The following ABCC1 variants were observed in gnomAD, a reference collection of about 807,000 sequenced individuals.
The protein encoded by ABCC1 is ATP binding cassette subfamily C member 1 (ABCC1 blood group).
ABCC1 carries 83 observed loss-of-function variants against 172.9 expected under a neutral mutation model. The observed-to-expected ratio is 0.48, with a 90% CI of 0.40 to 0.58. The LOEUF (loss-of-function observed/expected upper bound fraction) is 0.58, where lower values mean the gene tolerates loss of function less well. ABCC1 is among the 20% of genes least tolerant of loss of function. The probability of loss-of-function intolerance (pLI) is 0.00; values close to 1 mark genes in which losing one functional copy is unlikely to be tolerated. For missense variants in ABCC1, 1,817 were observed against 2,002.7 expected, an observed-to-expected ratio of 0.91 and a Z score of 1.77; for synonymous variants, 937 against 825.2, an observed-to-expected ratio of 1.14 and a Z score of -2.32.
At chr16:16,016,395 C>G (rs1415144611) in intron 4 of ABCC1, 101 bp from the exon 5 acceptor site, 3 of 1,437,384 alleles carry the variant, frequency 2.1e-6, no homozygotes, top group Non-Finnish European at 2.9e-6. Flanking sequence ...CTCAGGTGTT[C>G]TGCCTGTCTC....
At chr16:16,078,634 A>C (rs966593196) in intron 15 of ABCC1, among the ~76,000 whole-genome samples, 2 of 151,786 alleles carry the variant, frequency 1.3e-5, no homozygotes, top group East Asian at 3.9e-4. Flanking sequence ...GGCTCTCCAC[A>C]TGTTTCTGTG....
At position 16,007,835 on chromosome 16, in the gene ABCC1, A is replaced by T. The variant is rs760030871; in HGVS notation, c.68A>T (p.Asn23Ile). The T allele has an allele frequency of 3.7e-6, 6 of 1,612,758 alleles. No individual in the cohort carries two copies. Among genetic ancestry groups the T allele is most frequent in the Non-Finnish European group, 5.1e-6 (6 of 1,179,528 alleles). Residue 23 changes from asparagine (N) to isoleucine (I), a missense_variant, in exon 2 of 31, where the codon AAT (asparagine) becomes ATT (isoleucine). Asn to Ile is a moderately radical substitution (Grantham distance 149). Transcript: ENST00000399410. ...DPLWDWNVTW[N>I]TSNPDFTKCF... ...TCGCAGGACTGGAATGTCACGTGGA[A>T]TACCAGCAACCCCGACTTCACCAAG...
At chr16:15,995,119 G>A (rs1342455595) in intron 1 of ABCC1, among the ~76,000 whole-genome samples, 4 of 151,734 alleles carry the variant, frequency 2.6e-5, no homozygotes, top group East Asian at 2.0e-4. Flanking sequence ...CAACAAGAGC[G>A]AAACTCCGTC....
At chr16:16,136,766 C>T (rs1413415910) in intron 29 of ABCC1, 122 bp downstream of exon 29, 3 of 1,159,234 alleles carry the variant, frequency 2.6e-6, no homozygotes, top group Non-Finnish European at 3.6e-6. Context: ...GACCATTTGT[C>T]CCTTCACCTC....
In ABCC1 at chr16:16,086,910, T is replaced by C. The variant is rs756086581; in HGVS notation, c.2379T>C (p.Asp793=). The change falls in exon 18 of 31, where the codon GAT becomes GAC. Residue 793 remains aspartate, a synonymous_variant. Transcript: ENST00000399410. The stretch of plus-strand genomic sequence containing the variant: ...ACGCTGACATTTACCTCTTCGATGA[T>C]CCCCTCTCAGCAGTGGATGCCCATG... The part of the protein sequence containing the change: ...YSNADIYLFD[D]PLSAVDAHVG... 11 of 1,614,070 alleles carry C rather than the reference T, an allele frequency of 6.8e-6. No individual in the cohort carries two copies. The African/African-American group carries it at 1.5e-4, about 22-fold the overall frequency.
intron 1 of ABCC1, among the ~76,000 whole-genome samples, chr16:15,985,421 T>G (rs950630668): frequency 6.6e-6 from 1 of 152,166 alleles, no homozygotes; most frequent in Non-Finnish European, 1.5e-5. Flanking sequence ...TCTATTTTTG[T>G]TGCCTGCTCT....
chr16:16,063,765 T>C (rs45615534), intron 12 of ABCC1, among the ~76,000 whole-genome samples: 2,516 of 152,288 alleles, frequency 0.017, 74 homozygotes, highest in African/African-American at 0.057. Context: ...AGCTGGTAGT[T>C]TCCTGATCAT....
intron 1 of ABCC1, among the ~76,000 whole-genome samples, chr16:15,968,684 C>T (rs2046300764): frequency 6.6e-6 from 1 of 152,018 alleles, no homozygotes; most frequent in South Asian, 2.1e-4. Context: ...GCCATAAATA[C>T]ATGGTATTTT....
intron 1 of ABCC1, among the ~76,000 whole-genome samples, chr16:15,978,722 C>A (rs2046550232): frequency 1.3e-5 from 2 of 151,814 alleles, no homozygotes; most frequent in South Asian, 4.2e-4. Context: ...AGGAGTGGGA[C>A]CACATAGAAA....
At chr16:16,124,946 A>G in intron 25 of ABCC1, 31 bp downstream of exon 25, 2 of 1,613,822 alleles carry the variant, frequency 1.2e-6, no homozygotes, top group Non-Finnish European at 1.7e-6. Context: ...CTGGATTATT[A>G]AAGTCTGTTA....
At chr16:16,032,618 G>C (rs924136) in intron 5 of ABCC1, among the ~76,000 whole-genome samples, 3 of 152,014 alleles carry the variant, frequency 2.0e-5, no homozygotes, top group South Asian at 2.1e-4. Flanking sequence ...TAAGCTCTTG[G>C]TAGAGTGTCT....
At chr16:16,040,814 T>C (rs1438740485) in intron 7 of ABCC1, among the ~76,000 whole-genome samples, 1 of 152,072 alleles carries the variant, frequency 6.6e-6, no homozygotes, top group Non-Finnish European at 1.5e-5. Flanking sequence ...CAACCCAGGC[T>C]GTCCTGGGGA....
chr16:15,996,274 C>T (rs1210262567), intron 1 of ABCC1, among the ~76,000 whole-genome samples: 2 of 152,136 alleles, frequency 1.3e-5, no homozygotes, highest in African/African-American at 4.8e-5. Flanking sequence ...TGAACCCCTC[C>T]ACCCGGCCAG....
At chr16:15,960,595 T>G (rs890837200) in intron 1 of ABCC1, among the ~76,000 whole-genome samples, 6 of 152,086 alleles carry the variant, frequency 3.9e-5, no homozygotes, top group African/African-American at 1.4e-4. Context: ...CTGCAAAGAC[T>G]TGAACCGGGA....
At chr16:16,030,679 C>T (rs989193203) in intron 5 of ABCC1, among the ~76,000 whole-genome samples, 2 of 151,572 alleles carry the variant, frequency 1.3e-5, no homozygotes, top group African/African-American at 4.9e-5. Context: ...GCTTAGTTTC[C>T]TTGTTGTCCG....
intron 1 of ABCC1, among the ~76,000 whole-genome samples, chr16:15,985,810 A>C (rs949353180): frequency 4.6e-5 from 7 of 151,398 alleles, no homozygotes; most frequent in Non-Finnish European, 1.0e-4. Context: ...ACATCACTCT[A>C]GTTCTCGGGA....
intron 5 of ABCC1, among the ~76,000 whole-genome samples, chr16:16,021,606 A>G (rs544362796): frequency 6.6e-6 from 1 of 152,154 alleles, no homozygotes; most frequent in Admixed American, 6.5e-5. Flanking sequence ...GATCCCTGCT[A>G]TTTAGGAGGC....
chr16:16,020,210 C>A (rs2048147173), intron 5 of ABCC1, among the ~76,000 whole-genome samples: 1 of 152,236 alleles, frequency 6.6e-6, no homozygotes, highest in Non-Finnish European at 1.5e-5. Flanking sequence ...GCTTGAGCCA[C>A]CGTGCCCGGC....
Position 16,106,841 on chromosome 16 carries a change from C to G in ABCC1, c.2839C>G (p.Leu947Val). Residue 947 changes from leucine (L) to valine (V), a missense_variant, in exon 21 of 31, where the codon CTG (leucine) becomes GTG (valine). This residue lies in a region of ABCC1 where 1,412 missense variants were observed against 1,600.3 expected (regional missense o/e 0.88). Transcript: ENST00000399410. ...AEAKKEETWK[L>V]MEADKAQTGQ... Reference sequence around the variant, plus strand: ...GGCCAAGAAGGAGGAGACCTGGAAGCTGATGGAGGCTGACAAGGCGCAGAC... The same window carrying G: ...GGCCAAGAAGGAGGAGACCTGGAAGGTGATGGAGGCTGACAAGGCGCAGAC... 1 of 1,614,158 alleles carries G rather than the reference C, an allele frequency of 6.2e-7. No individual in the cohort carries two copies. The highest frequency in any genetic ancestry group is 8.5e-7 in the Non-Finnish European group (1 of 1,180,044).
Sources: allele counts gnomAD v4.1 joint callset (sites outside exome capture counted in the v4.1 genomes callset), GRCh38; gene constraint gnomAD v4.1.1; regional missense constraint gnomAD v4.1.1; transcripts MANE v1.5; gene names NCBI Gene and HGNC (gene_info 2026-07-23, HGNC 2026-07-21).